Variants in ARHGAP12 observed in about 807,000 individuals in gnomAD.
The protein encoded by ARHGAP12 is rho GTPase-activating protein 12.
In ARHGAP12, 64 loss-of-function variants were observed where a neutral mutation model predicts 108.6. The observed-to-expected ratio is 0.59, with a 90% confidence interval of 0.48 to 0.73. ARHGAP12 has a LOEUF of 0.73. Ranked by LOEUF, ARHGAP12 falls within the 30% of genes least tolerant of loss-of-function variation. The pLI, the probability that ARHGAP12 is intolerant of heterozygous loss-of-function variation, is 0.00. For missense variants in ARHGAP12, 940 were observed against 1,005.9 expected (o/e 0.93, Z 0.89); for synonymous variants, 312 against 337.2 (o/e 0.93, Z 0.82).
At chr10:31,859,614 C>T (rs1357409673) in intron 4 of ARHGAP12, among the ~76,000 whole-genome samples, 1 of 152,088 alleles carries the variant, frequency 6.6e-6, no homozygotes, top group East Asian at 1.9e-4. Context: ...TACATAGTCA[C>T]TCCCATCTAT....
At chr10:31,890,715 C>T (rs1238847076) in intron 3 of ARHGAP12, among the ~76,000 whole-genome samples, 2 of 152,174 alleles carry the variant, frequency 1.3e-5, no homozygotes, top group African/African-American at 4.8e-5. Context: ...AGCCAGTTTA[C>T]ACTTGTTTTT....
chr10:31,808,866 T>G, intron 18 of ARHGAP12, 115 bp from the exon 19 acceptor site: 2 of 1,380,786 alleles, frequency 1.4e-6, no homozygotes, highest in Non-Finnish European at 2.0e-6. Context: ...TGGTCACATT[T>G]AAAATGTTTG....
chr10:31,918,360 CCAAT>C (rs1839653008), intron 1 of ARHGAP12, among the ~76,000 whole-genome samples: 2 of 138,164 alleles, frequency 1.4e-5, no homozygotes, highest in Non-Finnish European at 3.2e-5. Context: ...CACACACACA[CCAAT>C]GAGATACCAC....
At chr10:31,862,705 G>GACAGAC (rs1407499037) in intron 3 of ARHGAP12, among the ~76,000 whole-genome samples, 1 of 133,096 alleles carries the variant, frequency 7.5e-6, no homozygotes, top group Non-Finnish European at 1.6e-5. Context: ...TGCACACACA[G>GACAGAC]ACACACACAC....
intron 3 of ARHGAP12, among the ~76,000 whole-genome samples, chr10:31,897,447 A>G (rs1172962179): frequency 1.3e-5 from 2 of 152,106 alleles, no homozygotes; most frequent in African/African-American, 4.8e-5. Flanking sequence ...CCTCCAGTAC[A>G]TCAACAGTGA....
chr10:31,832,431 G>A (rs890169424), intron 9 of ARHGAP12, among the ~76,000 whole-genome samples: 1 of 152,182 alleles, frequency 6.6e-6, no homozygotes, highest in Non-Finnish European at 1.5e-5. Context: ...AGTGACACAA[G>A]CTTTATCATC....
intron 2 of ARHGAP12, among the ~76,000 whole-genome samples, chr10:31,909,297 T>C (rs949390640): frequency 6.6e-6 from 1 of 152,208 alleles, no homozygotes; most frequent in Non-Finnish European, 1.5e-5. Context: ...CTTTCATTTC[T>C]ATAACAATTC....
At chr10:31,883,986 G>A (rs908807348) in intron 3 of ARHGAP12, among the ~76,000 whole-genome samples, 8 of 151,098 alleles carry the variant, frequency 5.3e-5, no homozygotes, top group African/African-American at 1.9e-4. Context: ...AAGTGCTGGG[G>A]CTACAGGCAT....
At chr10:31,873,990 T>G (rs373014926) in intron 3 of ARHGAP12, among the ~76,000 whole-genome samples, 38 of 152,302 alleles carry the variant, frequency 2.5e-4, no homozygotes, top group African/African-American at 8.9e-4. Flanking sequence ...GAATGGTAAC[T>G]CTATCATCAG....
intron 1 of ARHGAP12, among the ~76,000 whole-genome samples, chr10:31,921,314 G>T (rs971210145): frequency 6.6e-6 from 1 of 152,102 alleles, no homozygotes; most frequent in African/African-American, 2.4e-5. Flanking sequence ...AATGTGTACT[G>T]AATGAAAATG....
intron 15 of ARHGAP12, among the ~76,000 whole-genome samples, chr10:31,811,006 C>T (rs1834996427): frequency 6.6e-6 from 1 of 152,168 alleles, no homozygotes; most frequent in South Asian, 2.1e-4. Context: ...AATTTTCTAC[C>T]CAATTTGGCT....
chr10:31,879,410 T>C (rs1314475510), intron 3 of ARHGAP12, among the ~76,000 whole-genome samples: 2 of 152,174 alleles, frequency 1.3e-5, no homozygotes, highest in Admixed American at 1.3e-4. Flanking sequence ...TAACAAAAAG[T>C]TAAGAATATT....
At chr10:31,899,140 T>C (rs1465334718) in intron 3 of ARHGAP12, among the ~76,000 whole-genome samples, 1 of 152,308 alleles carries the variant, frequency 6.6e-6, no homozygotes, top group Middle Eastern at 3.4e-3. Context: ...AGATAGAGAA[T>C]AGATTAATGG....
At chr10:31,839,766 G>T in intron 7 of ARHGAP12, 55 bp from the exon 8 acceptor site, 1 of 1,412,126 alleles carries the variant, frequency 7.1e-7, no homozygotes, top group Non-Finnish European at 9.7e-7. Context: ...TTATATTTCT[G>T]CCTCTACTCA....
intron 3 of ARHGAP12, among the ~76,000 whole-genome samples, chr10:31,865,719 CA>C (rs1247170418): frequency 6.7e-6 from 1 of 150,356 alleles, no homozygotes; most frequent in East Asian, 2.0e-4. Flanking sequence ...ACTAAAAATA[CA>C]AAAAAAAATT....
chr10:31,895,793 T>A lies in ARHGAP12; in HGVS notation c.684+12379A>T, dbSNP rs1394667040. Among the ~76,000 whole-genome samples the A allele has an allele frequency of 7.2e-5, 11 of 152,196 alleles. No homozygotes were observed. In the East Asian group the frequency reaches 2.1e-3, roughly 29 times the overall value. ...TGCTATAAAGACACATGCACACGTATGTTTATTGCGGCATTATTCACAATA... is the reference window on the plus strand; with the variant it reads ...TGCTATAAAGACACATGCACACGTAAGTTTATTGCGGCATTATTCACAATA... On this transcript the variant is annotated intron_variant, in intron 3 of 19. Coordinates refer to ENST00000344936, the MANE Select transcript of ARHGAP12 (RefSeq NM_018287.7).
At chr10:31,911,292 G>A (rs892731452) in intron 1 of ARHGAP12, among the ~76,000 whole-genome samples, 1 of 152,150 alleles carries the variant, frequency 6.6e-6, no homozygotes, top group Non-Finnish European at 1.5e-5. Flanking sequence ...CCAAAGTGAG[G>A]GGATTATAGG....
chr10:31,812,240 G>A (rs760501033), intron 15 of ARHGAP12, among the ~76,000 whole-genome samples: 4 of 151,912 alleles, frequency 2.6e-5, no homozygotes, highest in Admixed American at 1.3e-4. Context: ...GTCCATTATA[G>A]TGCTTATAAA....
At position 31,861,498 on chromosome 10, in the gene ARHGAP12, T is replaced by C. The variant is rs990960017; in HGVS notation, c.845A>G (p.Tyr282Cys). Reference protein sequence around the residue: ...ETHKDSSGRCYYYNRGTQERT... With the variant: ...ETHKDSSGRCCYYNRGTQERT... The stretch of plus-strand genomic sequence containing the variant: ...TTCCTGTGTCCCTCTGTTATAGTAA[T>C]AGCAACGCCCTGAGCTGTCTTTATG... Residue 282 changes from tyrosine (Y) to cysteine (C), a missense_variant, in exon 4 of 20, where the codon TAT becomes TGT. Tyr to Cys is a radical substitution (Grantham distance 194). Coordinates refer to ENST00000344936, the MANE Select transcript of ARHGAP12 (RefSeq NM_018287.7). The C allele has an allele frequency of 6.2e-7, 1 of 1,614,152 alleles. No homozygotes were observed. The highest frequency in any genetic ancestry group is 8.5e-7 in the Non-Finnish European group (1 of 1,180,032).
Sources: allele counts gnomAD v4.1 joint callset (sites outside exome capture counted in the v4.1 genomes callset), GRCh38; gene constraint gnomAD v4.1.1; transcripts MANE v1.5; gene names NCBI Gene and HGNC (gene_info 2026-07-23, HGNC 2026-07-21).